Variants in GPR158 observed in about 807,000 individuals in gnomAD.
GPR158 encodes metabotropic glycine receptor.
A neutral mutation model predicts 78.2 loss-of-function variants in GPR158; 30 were observed. That is an observed-to-expected ratio of 0.38 (90% CI 0.29 to 0.52). The LOEUF (loss-of-function observed/expected upper bound fraction) is 0.52. Ranked by LOEUF, GPR158 falls within the 20% of genes least tolerant of loss-of-function variation. GPR158 has a pLI of 0.83. For missense variants in GPR158, 1,463 were observed against 1,523.5 expected, an observed-to-expected ratio of 0.96 and a Z score of 0.66; for synonymous variants, 581 against 591.1, an observed-to-expected ratio of 0.98 and a Z score of 0.25.
Position 25,502,906 on chromosome 10 carries a change from C to G in GPR158, c.1404+36187C>G, listed in dbSNP as rs1045895696. ...GGGCACCAAACACAGGATTACTCAG[C>G]AATTCCATAGAAAGTTCCCAAGCCA... On this transcript the variant is annotated intron_variant, in intron 5 of 10. Transcript: ENST00000376351. Among the ~76,000 whole-genome samples the G allele has an allele frequency of 1.2e-4, 18 of 152,232 alleles. No homozygotes were observed. The South Asian group carries it at 2.3e-3, about 19-fold the overall frequency.
At chr10:25,403,681 G>A (rs907949147) in intron 3 of GPR158, among the ~76,000 whole-genome samples, 8 of 152,044 alleles carry the variant, frequency 5.3e-5, no homozygotes, top group African/African-American at 1.9e-4. Context: ...AGGTGCCAAA[G>A]TCAGCTGTGC....
intron 2 of GPR158, among the ~76,000 whole-genome samples, chr10:25,357,954 A>G (rs1348156960): frequency 6.6e-6 from 1 of 152,148 alleles, no homozygotes; most frequent in Admixed American, 6.5e-5. Context: ...TATACCCTGC[A>G]AAACCATAGG....
At chr10:25,179,900 TA>T (rs1003666441) in intron 1 of GPR158, among the ~76,000 whole-genome samples, 3 of 152,188 alleles carry the variant, frequency 2.0e-5, no homozygotes, top group African/African-American at 7.2e-5. Context: ...TCCTTAAAAC[TA>T]GGGTTCTTTT....
At chr10:25,420,726 T>G (rs113849668) in intron 4 of GPR158, among the ~76,000 whole-genome samples, 19 of 152,334 alleles carry the variant, frequency 1.2e-4, no homozygotes, top group African/African-American at 4.6e-4. Flanking sequence ...GACATAGTCC[T>G]TTCCCTGTAG....
intron 7 of GPR158, among the ~76,000 whole-genome samples, chr10:25,579,979 ATAAAT>A (rs1490659611): frequency 6.6e-6 from 1 of 152,216 alleles, no homozygotes; most frequent in East Asian, 1.9e-4. Context: ...GAATCCTGTT[ATAAAT>A]TAAGTTCTCT....
In GPR158 at chr10:25,473,274, T is replaced by C. The variant is rs566913978; in HGVS notation, c.1404+6555T>C. Among the ~76,000 whole-genome samples the C allele has an allele frequency of 6.9e-4, 105 of 152,266 alleles. 2 individuals are homozygous for C. The East Asian group carries it at 0.017, about 25-fold the overall frequency. ...GATTACATTTATTGATTTGCGTATA[T>C]TGAACCAGCCTTGCATCCCAGGGAT... On this transcript the variant is annotated intron_variant, in intron 5 of 10. Coordinates refer to ENST00000376351, the MANE Select transcript of GPR158 (RefSeq NM_020752.3).
intron 3 of GPR158, among the ~76,000 whole-genome samples, chr10:25,397,407 A>C (rs1231886960): frequency 2.0e-5 from 3 of 152,196 alleles, no homozygotes; most frequent in African/African-American, 7.2e-5. Context: ...GGAGTTGCTA[A>C]AACTAGAGTA....
At position 25,572,715 on chromosome 10, in the gene GPR158, G is replaced by A. The variant is rs1837026306; in HGVS notation, c.1581G>A (p.Met527Ile). The change falls in exon 7 of 11, where the codon ATG becomes ATA. Residue 527 changes from methionine to isoleucine, a missense_variant. Coordinates refer to ENST00000376351, the MANE Select transcript of GPR158 (RefSeq NM_020752.3). ...RIPYMTGGRVMRMLAVILLVV... is the reference protein window; with the variant it reads ...RIPYMTGGRVIRMLAVILLVV... ...CATATATGACTGGCGGACGGGTCAT[G>A]AGGATGCTGGCAGTAATACTCTTGG... 1 of 1,614,150 alleles carries A rather than the reference G, an allele frequency of 6.2e-7. No individual in the cohort carries two copies. The highest frequency in any genetic ancestry group is 1.3e-5 in the African/African-American group (1 of 75,052).
intron 1 of GPR158, among the ~76,000 whole-genome samples, chr10:25,181,870 A>G (rs1852614292): frequency 6.6e-6 from 1 of 151,896 alleles, no homozygotes; most frequent in Non-Finnish European, 1.5e-5. Flanking sequence ...GGCCCGAGCC[A>G]CCATGCTTGG....
At chr10:25,449,085 A>G (rs777336984) in intron 4 of GPR158, among the ~76,000 whole-genome samples, 58 of 152,208 alleles carry the variant, frequency 3.8e-4, no homozygotes, top group Non-Finnish European at 5.4e-4. Context: ...ACCAGATTGT[A>G]TGATAATTCA....
intron 5 of GPR158, among the ~76,000 whole-genome samples, chr10:25,514,950 T>C (rs1222757273): frequency 6.6e-6 from 1 of 152,162 alleles, no homozygotes; most frequent in Non-Finnish European, 1.5e-5. Context: ...CTTAAGATTT[T>C]TTCCTTCATC....
intron 2 of GPR158, among the ~76,000 whole-genome samples, chr10:25,316,887 T>G (rs1564420152): frequency 7.9e-6 from 1 of 127,198 alleles, no homozygotes. Flanking sequence ...ATGTATGTAT[T>G]TGTGTGTGTG....
chr10:25,210,421 T>G (rs1853111762), intron 1 of GPR158, among the ~76,000 whole-genome samples: 1 of 152,168 alleles, frequency 6.6e-6, no homozygotes, highest in Non-Finnish European at 1.5e-5. Context: ...AGGGGTAAAC[T>G]CAATTTCACT....
intron 5 of GPR158, among the ~76,000 whole-genome samples, chr10:25,550,746 C>G (rs559246696): frequency 6.6e-6 from 1 of 152,164 alleles, no homozygotes; most frequent in South Asian, 2.1e-4. Context: ...TGCTATCCCT[C>G]CCCCCAAAGT....
At chr10:25,542,387 G>C (rs2130704435) in intron 5 of GPR158, among the ~76,000 whole-genome samples, 1 of 152,248 alleles carries the variant, frequency 6.6e-6, no homozygotes, top group Middle Eastern at 3.4e-3. Context: ...GGACCATGCT[G>C]GCTTCTTCTC....
At chr10:25,251,408 T>G (rs1038185955) in intron 2 of GPR158, among the ~76,000 whole-genome samples, 16 of 151,998 alleles carry the variant, frequency 1.1e-4, no homozygotes, top group African/African-American at 3.9e-4. Context: ...CTTCCTAGTC[T>G]CGATGGTCTT....
rs986782238 is a variant in GPR158 at position 25,362,487 on chromosome 10, A to G, written c.1009-33424A>G. 5.9e-5 allele frequency among the ~76,000 whole-genome samples: 9 copies of G among 152,038 alleles called. No individual in the cohort carries two copies. In the South Asian group the frequency reaches 1.5e-3, roughly 25 times the overall value. The stretch of plus-strand genomic sequence containing the variant: ...AAGATGAACTTCCCTATGTCTGCAA[A>G]AAATGTTGAGCTTTAGATAGGAATT... On this transcript the variant is annotated intron_variant, in intron 2 of 10. Transcript: ENST00000376351.
intron 5 of GPR158, among the ~76,000 whole-genome samples, chr10:25,517,801 A>G (rs1238396572): frequency 6.6e-6 from 1 of 150,720 alleles, no homozygotes; most frequent in Admixed American, 6.6e-5. Context: ...TTTTTGCATC[A>G]ATGTTCATCA....
chr10:25,401,379 T>C (rs1473072194), intron 3 of GPR158, among the ~76,000 whole-genome samples: 2 of 152,160 alleles, frequency 1.3e-5, no homozygotes, highest in Non-Finnish European at 2.9e-5. Flanking sequence ...GCCGGTCTTA[T>C]GTTTTTGCCT....
Sources: gnomAD v4.1 joint callset for allele counts (sites outside exome capture counted in the v4.1 genomes callset) on GRCh38, gnomAD v4.1.1 for gene constraint, MANE v1.5 for transcripts, NCBI Gene and HGNC (gene_info 2026-07-23, HGNC 2026-07-21) for gene names.